TRHDE: variants seen among roughly 807,000 people sequenced by gnomAD.
The protein encoded by TRHDE is thyrotropin-releasing hormone-degrading ectoenzyme.
TRHDE carries 72 observed loss-of-function variants against 125.7 expected under a neutral mutation model. The ratio of observed to expected loss-of-function variants is 0.57; its 90% CI spans 0.47 to 0.70. The LOEUF (loss-of-function observed/expected upper bound fraction) is 0.70, where lower values mean the gene tolerates loss of function less well. Ranked by LOEUF, TRHDE falls within the 30% of genes least tolerant of loss-of-function variation. TRHDE has a pLI of 0.00. For synonymous variants in TRHDE, 509 were observed against 509.1 expected, an observed-to-expected ratio of 1.00 and a Z score of 0.00; for missense variants, 1,110 against 1,327.1, an observed-to-expected ratio of 0.84 and a Z score of 2.54.
At chr12:72,641,525 T>C (rs1444489768) in intron 15 of TRHDE, among the ~76,000 whole-genome samples, 1 of 152,214 alleles carries the variant, frequency 6.6e-6, no homozygotes, top group African/African-American at 2.4e-5. Flanking sequence ...ACTTATGCAA[T>C]GGTATTATAC....
intron 2 of TRHDE, among the ~76,000 whole-genome samples, chr12:72,308,244 G>A (rs748764835): frequency 1.3e-5 from 2 of 152,040 alleles, no homozygotes; most frequent in African/African-American, 2.4e-5. Flanking sequence ...TCGTGTGCAT[G>A]TGTGTGAATG....
intron 15 of TRHDE, among the ~76,000 whole-genome samples, chr12:72,640,226 G>C (rs533178137): frequency 6.6e-6 from 1 of 152,182 alleles, no homozygotes. Context: ...TTTTAAGCCC[G>C]TCGGAAAAGC....
At chr12:72,430,035 TTTG>T (rs1299761561) in intron 3 of TRHDE, among the ~76,000 whole-genome samples, 1 of 151,544 alleles carries the variant, frequency 6.6e-6, no homozygotes, top group Non-Finnish European at 1.5e-5. Flanking sequence ...TTAGCTATGT[TTTG>T]TTGTTGTTTT....
intron 3 of TRHDE, among the ~76,000 whole-genome samples, chr12:72,426,953 A>G (rs1186257492): frequency 6.6e-6 from 1 of 152,098 alleles, no homozygotes; most frequent in Non-Finnish European, 1.5e-5. Context: ...TAGTGGCCAA[A>G]TGTCACCTAT....
At chr12:72,207,204 T>A (rs572880200) in intron 2 of TRHDE, among the ~76,000 whole-genome samples, 1 of 152,294 alleles carries the variant, frequency 6.6e-6, no homozygotes, top group East Asian at 1.9e-4. Context: ...AGAAAAGATA[T>A]GTGCAAAATA....
chr12:72,644,618 T>G (rs1461306948), intron 15 of TRHDE, among the ~76,000 whole-genome samples: 1 of 152,228 alleles, frequency 6.6e-6, no homozygotes, highest in Non-Finnish European at 1.5e-5. Flanking sequence ...TCTGCCATAG[T>G]CTAGCTAGCT....
At chr12:72,586,454 A>G (rs777529299) in intron 12 of TRHDE, among the ~76,000 whole-genome samples, 1 of 152,158 alleles carries the variant, frequency 6.6e-6, no homozygotes, top group Non-Finnish European at 1.5e-5. Context: ...GTATCATTGA[A>G]GAGGCCTTCA....
At chr12:72,092,924 G>T (rs1452252654) in intron 1 of TRHDE, among the ~76,000 whole-genome samples, 1 of 152,084 alleles carries the variant, frequency 6.6e-6, no homozygotes, top group East Asian at 1.9e-4. Flanking sequence ...CACCATCTTA[G>T]CCTCCCCAAG....
At chr12:72,204,768 C>G (rs866450892) in intron 2 of TRHDE, among the ~76,000 whole-genome samples, 1 of 152,056 alleles carries the variant, frequency 6.6e-6, no homozygotes, top group South Asian at 2.1e-4. Flanking sequence ...TTATATATAT[C>G]GGAAACTATA....
chr12:72,219,065 G>A (rs534492474), intron 2 of TRHDE, among the ~76,000 whole-genome samples: 3 of 152,094 alleles, frequency 2.0e-5, no homozygotes, highest in Non-Finnish European at 4.4e-5. Context: ...TAAATGTAGA[G>A]AATGGTTCTT....
At chr12:72,416,272 G>A (rs900341226) in intron 3 of TRHDE, among the ~76,000 whole-genome samples, 2 of 151,956 alleles carry the variant, frequency 1.3e-5, no homozygotes, top group Non-Finnish European at 2.9e-5. Flanking sequence ...AAACATTTGA[G>A]CTCCTTATAT....
intron 4 of TRHDE, 37 bp downstream of exon 4, chr12:72,469,949 A>C (rs748420877): frequency 3.1e-6 from 5 of 1,592,474 alleles, no homozygotes; most frequent in Non-Finnish European, 4.3e-6. Flanking sequence ...TATAATGTGA[A>C]AGCTATTGAA....
intron 5 of TRHDE, among the ~76,000 whole-genome samples, chr12:72,481,388 AG>A (rs1479471666): frequency 1.3e-5 from 2 of 150,242 alleles, no homozygotes; most frequent in African/African-American, 4.9e-5. Flanking sequence ...AAAAAAAAAA[AG>A]GATAATTTGA....
chr12:72,475,407 C>A (rs962557555), intron 5 of TRHDE, among the ~76,000 whole-genome samples: 32 of 152,034 alleles, frequency 2.1e-4, no homozygotes, highest in African/African-American at 7.7e-4. Context: ...AAAATTCTTT[C>A]TATTCACCAT....
chr12:72,091,426 G>T (rs1294238509), intron 1 of TRHDE, among the ~76,000 whole-genome samples: 1 of 152,114 alleles, frequency 6.6e-6, no homozygotes, highest in Non-Finnish European at 1.5e-5. Flanking sequence ...TTTAAAATCT[G>T]ATAAATTCTG....
At chr12:72,419,838 C>T (rs558806894) in intron 3 of TRHDE, among the ~76,000 whole-genome samples, 1 of 152,220 alleles carries the variant, frequency 6.6e-6, no homozygotes, top group Admixed American at 6.5e-5. Context: ...ACATTAGTTG[C>T]CATGCACTTC....
chr12:72,443,438 G>C (rs890939554), intron 3 of TRHDE, among the ~76,000 whole-genome samples: 1 of 151,588 alleles, frequency 6.6e-6, no homozygotes. Context: ...TATGTTTCAT[G>C]ACCTTGTTGA....
chr12:72,427,202 C>T (rs1005227443), intron 3 of TRHDE, among the ~76,000 whole-genome samples: 1 of 152,000 alleles, frequency 6.6e-6, no homozygotes, highest in Non-Finnish European at 1.5e-5. Flanking sequence ...AGTTTGCCAA[C>T]CCCTGATCTA....
chr12:72,521,803 C>T (rs529570448), intron 6 of TRHDE, among the ~76,000 whole-genome samples: 5 of 152,164 alleles, frequency 3.3e-5, no homozygotes, highest in East Asian at 1.9e-4. Context: ...ACAGCAGGAA[C>T]CTTGCTACTA....
Sources: allele counts gnomAD v4.1 joint callset (sites outside exome capture counted in the v4.1 genomes callset), GRCh38; gene constraint gnomAD v4.1.1; transcripts MANE v1.5; gene names NCBI Gene and HGNC (gene_info 2026-07-23, HGNC 2026-07-21).